The following ITPR2 variants were observed in gnomAD, a reference collection of about 807,000 sequenced individuals.
The protein encoded by ITPR2 is inositol 1,4,5-trisphosphate-gated calcium channel ITPR2.
In ITPR2, 207 loss-of-function variants were observed where a neutral mutation model predicts 317.1. The observed-to-expected ratio is 0.65, with a 90% CI of 0.58 to 0.73. ITPR2 has a LOEUF of 0.73. Among genes scored for constraint, ITPR2 ranks in the 30% least tolerant of loss-of-function variants. The pLI is 0.00. For missense variants in ITPR2, 2,613 were observed against 3,284.0 expected (o/e 0.80, Z 4.99); for synonymous variants, 1,156 against 1,149.1 (o/e 1.01, Z -0.12).
chr12:26,391,556 C>CTTTTT (rs1555117374), intron 54 of ITPR2, among the ~76,000 whole-genome samples: 27 of 98,586 alleles, frequency 2.7e-4, no homozygotes, highest in South Asian at 3.1e-4. Flanking sequence ...TCTTCTTTTC[C>CTTTTT]TTTTTTTTTT....
At chr12:26,702,166 G>A (rs753283569) in intron 9 of ITPR2, among the ~76,000 whole-genome samples, 13 of 151,994 alleles carry the variant, frequency 8.6e-5, no homozygotes, top group Non-Finnish European at 1.5e-4. Flanking sequence ...ACAAAGTGTC[G>A]ATGAGTGTGT....
chr12:26,702,408 T>C (rs55819939), intron 9 of ITPR2, among the ~76,000 whole-genome samples: 2 of 30,182 alleles, frequency 6.6e-5, no homozygotes, highest in Non-Finnish European at 1.0e-4. Flanking sequence ...GGGGCGGGGG[T>C]GGGGGGTTGG....
intron 35 of ITPR2, among the ~76,000 whole-genome samples, chr12:26,560,170 A>C (rs946006372): frequency 3.3e-5 from 5 of 152,122 alleles, no homozygotes; most frequent in African/African-American, 1.2e-4. Context: ...TGGCACTACT[A>C]TATACCTCTC....
chr12:26,486,204 T>C lies in ITPR2; in HGVS notation c.5711A>G (p.Lys1904Arg). The change falls in exon 41 of 57, where the codon AAA becomes AGA. Residue 1904 changes from lysine to arginine, a missense_variant. By Grantham distance (26) the Lys-to-Arg change is conservative (BLOSUM62 2). This residue lies in a region of ITPR2 where 926 missense variants were observed against 1,072.8 expected (regional missense o/e 0.86). Coordinates refer to ENST00000381340, the MANE Select transcript of ITPR2 (RefSeq NM_002223.4). ...ACTCATTGTTACTTCCTCTGCGGAT[T>C]TTTCCTCAGTGTTTCCCGCTTCTGG... ...TGPEAGNTEE[K>R]SAEEVTMSPA... 1.2e-6 allele frequency: 2 copies of C among 1,614,116 alleles called. No homozygotes were observed. The highest frequency in any genetic ancestry group is 8.5e-7 in the Non-Finnish European group (1 of 1,180,004).
chr12:26,631,048 C>T (rs1003578504), intron 22 of ITPR2, among the ~76,000 whole-genome samples: 1 of 152,160 alleles, frequency 6.6e-6, no homozygotes, highest in African/African-American at 2.4e-5. Flanking sequence ...GGACTACTAA[C>T]CCACTTCTGG....
At chr12:26,435,343 G>A (rs903617715) in intron 48 of ITPR2, among the ~76,000 whole-genome samples, 1 of 152,060 alleles carries the variant, frequency 6.6e-6, no homozygotes, top group Admixed American at 6.6e-5. Flanking sequence ...GGTTTATCAG[G>A]TACTATTCTA....
chr12:26,597,181 C>A, intron 30 of ITPR2, 47 bp from the exon 31 acceptor site: 1 of 1,603,858 alleles, frequency 6.2e-7, no homozygotes, highest in Non-Finnish European at 8.5e-7. Flanking sequence ...AACATTCATC[C>A]TTGCAGTTAT....
chr12:26,537,890 G>A (rs1464696670), intron 37 of ITPR2, among the ~76,000 whole-genome samples: 1 of 152,186 alleles, frequency 6.6e-6, no homozygotes, highest in African/African-American at 2.4e-5. Context: ...ATCCAAAAAT[G>A]TTTAAGATGT....
At chr12:26,741,162 G>C (rs969549626) in intron 2 of ITPR2, among the ~76,000 whole-genome samples, 1 of 152,262 alleles carries the variant, frequency 6.6e-6, no homozygotes, top group African/African-American at 2.4e-5. Context: ...CTCCCATTGA[G>C]GGGGAGAGCT....
chr12:26,507,846 C>T (rs1248404594), intron 37 of ITPR2, among the ~76,000 whole-genome samples: 1 of 97,046 alleles, frequency 1.0e-5, no homozygotes, highest in Non-Finnish European at 2.6e-5. Context: ...TATCTCTCTA[C>T]TCTTCTCTCT....
intron 35 of ITPR2, among the ~76,000 whole-genome samples, chr12:26,559,012 TCCA>T (rs1944741216): frequency 6.6e-6 from 1 of 152,202 alleles, no homozygotes; most frequent in Admixed American, 6.5e-5. Context: ...CATCGATTCA[TCCA>T]CCAAGTTCTA....
chr12:26,767,495 G>A (rs1403928387), intron 2 of ITPR2, among the ~76,000 whole-genome samples: 1 of 152,164 alleles, frequency 6.6e-6, no homozygotes, highest in Non-Finnish European at 1.5e-5. Flanking sequence ...TGTCACCACT[G>A]AAAACATTTT....
chr12:26,411,237 A>G, intron 52 of ITPR2, 83 bp downstream of exon 52: 1 of 852,260 alleles, frequency 1.2e-6, no homozygotes, highest in East Asian at 2.6e-5. Flanking sequence ...TTTGTAGAGC[A>G]ATTCCCTAAG....
rs1265933059 is a variant in ITPR2, at chr12:26,486,436, T to C, written c.5555-76A>G. 3.7e-6 allele frequency: 4 copies of C among 1,087,558 alleles called. No individual in the cohort carries two copies. The South Asian group carries it at 6.5e-5, about 18-fold the overall frequency. 67.4% of individuals were successfully genotyped at this position (1,087,558 alleles called of 1,614,324 possible). A position where few individuals can be genotyped will look rare whatever the true frequency, so the allele number is the denominator to read the frequency against. ...ATTAAAAAAAAAAAAACAAACCAGG[T>C]ACCCAAATTCTCTAACAATTGAATT... On this transcript the variant is annotated intron_variant, in intron 40 of 56. Coordinates refer to ENST00000381340, the MANE Select transcript of ITPR2 (RefSeq NM_002223.4).
At chr12:26,724,365 C>A (rs1267648913) in intron 4 of ITPR2, among the ~76,000 whole-genome samples, 1 of 152,174 alleles carries the variant, frequency 6.6e-6, no homozygotes, top group African/African-American at 2.4e-5. Context: ...AGGACTATTT[C>A]AGAACAGGCC....
At chr12:26,582,483 G>A (rs1232149386) in intron 32 of ITPR2, among the ~76,000 whole-genome samples, 1 of 152,056 alleles carries the variant, frequency 6.6e-6, no homozygotes, top group Admixed American at 6.6e-5. Flanking sequence ...ACTTTAAAAA[G>A]CTATATTTAT....
intron 47 of ITPR2, among the ~76,000 whole-genome samples, chr12:26,438,349 T>G (rs1404687638): frequency 6.6e-6 from 1 of 152,140 alleles, no homozygotes; most frequent in Non-Finnish European, 1.5e-5. Flanking sequence ...TGCTGAAAAC[T>G]ACCATAATGA....
Position 26,546,261 on chromosome 12 carries a change from C to A in ITPR2, c.5073+3986G>T, listed in dbSNP as rs187118991. Among the ~76,000 whole-genome samples the A allele has an allele frequency of 8.8e-4, 134 of 152,188 alleles. 1 individual carries two copies. The highest frequency in any genetic ancestry group is 3.0e-3 in the African/African-American group (123 of 41,520). ...CAACATATTTTGTTAAGTATAGTCA[C>A]CCTACTCTGCTATCAAACATTGAAT... On this transcript the variant is annotated intron_variant, in intron 37 of 56. Transcript: ENST00000381340.
rs147797067 is a variant in ITPR2 at position 26,561,980 on chromosome 12, C to T, written c.4631-28G>A. ...GAAAAAGAAAGATTTAAAATATTTC[C>T]CTCTTAATTTGACTAAAGTTTCTTA... On this transcript the variant is annotated intron_variant, in intron 34 of 56. Transcript: ENST00000381340. 6.3e-4 allele frequency: 908 copies of T among 1,452,124 alleles called. 6 individuals are homozygous for T. In the African/African-American group the frequency reaches 0.01, roughly 16 times the overall value. The allele number at this position is 1,452,124 out of a possible 1,614,324, so 90.0% of individuals were successfully genotyped here.
Sources: gnomAD v4.1 joint callset for allele counts (sites outside exome capture counted in the v4.1 genomes callset) on GRCh38, gnomAD v4.1.1 for gene constraint, gnomAD v4.1.1 regional missense constraint, MANE v1.5 for transcripts, NCBI Gene and HGNC (gene_info 2026-07-23, HGNC 2026-07-21) for gene names.